The following CYP2C19 variants were observed in gnomAD, a reference collection of about 807,000 sequenced individuals.
CYP2C19 encodes cytochrome P450 2C19.
A neutral mutation model predicts 40.9 loss-of-function variants in CYP2C19; 59 were observed. The observed-to-expected ratio is 1.44, with a 90% CI of 1.17 to 1.79. CYP2C19 has a LOEUF of 1.79. Ranked by LOEUF, CYP2C19 falls within the 40% of genes most tolerant of loss-of-function variation. CYP2C19 has a pLI of 0.00. For synonymous variants in CYP2C19, 253 were observed against 208.7 expected, an observed-to-expected ratio of 1.21 and a Z score of -1.83; for missense variants, 754 against 596.9, an observed-to-expected ratio of 1.26 and a Z score of -2.74.
At chr10:94,823,472 G>A (rs764831530) in intron 6 of CYP2C19, among the ~76,000 whole-genome samples, 118 of 152,230 alleles carry the variant, frequency 7.8e-4, no homozygotes, top group Non-Finnish European at 1.6e-3. Flanking sequence ...AGCAGCTAGC[G>A]TTATCCTACA....
intron 7 of CYP2C19, 82 bp downstream of exon 7, chr10:94,843,106 C>T (rs1849521306): frequency 1.3e-6 from 2 of 1,536,288 alleles, no homozygotes; most frequent in South Asian, 2.2e-5. Flanking sequence ...TCTACCATCA[C>T]TGGGTGAGAG....
chr10:94,824,592 T>A (rs988221943), intron 6 of CYP2C19, among the ~76,000 whole-genome samples: 1 of 152,176 alleles, frequency 6.6e-6, no homozygotes, highest in Non-Finnish European at 1.5e-5. Context: ...TAAAATTAAT[T>A]CCTGTTTTTT....
intron 5 of CYP2C19, among the ~76,000 whole-genome samples, chr10:94,784,634 G>T (rs903331019): frequency 2.6e-5 from 4 of 151,634 alleles, no homozygotes; most frequent in African/African-American, 9.7e-5. Flanking sequence ...TATTTATTTT[G>T]AGACAGAGTC....
At chr10:94,833,344 A>G (rs1011237079) in intron 6 of CYP2C19, among the ~76,000 whole-genome samples, 2 of 152,216 alleles carry the variant, frequency 1.3e-5, no homozygotes, top group African/African-American at 4.8e-5. Flanking sequence ...TCATGATCTT[A>G]CAGAAAATGC....
chr10:94,825,770 C>T (rs1458932990), intron 6 of CYP2C19, among the ~76,000 whole-genome samples: 1 of 112,394 alleles, frequency 8.9e-6, no homozygotes, highest in South Asian at 3.5e-4. Flanking sequence ...AGGTTTTCTT[C>T]TAGGGTTTTT....
At chr10:94,786,518 T>A (rs1388290576) in intron 5 of CYP2C19, among the ~76,000 whole-genome samples, 1 of 152,144 alleles carries the variant, frequency 6.6e-6, no homozygotes, top group Non-Finnish European at 1.5e-5. Context: ...CCATATGAAA[T>A]ACTTTCTTTT....
rs139232443 is a variant in CYP2C19 at position 94,766,419 on chromosome 10, A to G, written c.168+3546A>G. Among the ~76,000 whole-genome samples, 688 of 152,198 alleles carry G rather than the reference A, an allele frequency of 4.5e-3. 6 individuals are homozygous for G. The highest frequency in any genetic ancestry group is 0.015 in the African/African-American group (639 of 41,542). On this transcript the variant is annotated intron_variant, in intron 1 of 8. Coordinates refer to ENST00000371321, the MANE Select transcript of CYP2C19 (RefSeq NM_000769.4). ...CAGGCCGAGTAAAAGGTAGGAGTAA[A>G]TTGCTGTCAGAAGGAAGGAAGACAG...
chr10:94,790,018 G>A (rs145950182), intron 5 of CYP2C19, among the ~76,000 whole-genome samples: 2,658 of 151,922 alleles, frequency 0.017, 71 homozygotes, highest in East Asian at 0.061. Context: ...CTTTTATTTC[G>A]TTGAGCAGTG....
At chr10:94,808,960 T>A (rs142807908) in intron 5 of CYP2C19, among the ~76,000 whole-genome samples, 116 of 152,280 alleles carry the variant, frequency 7.6e-4, no homozygotes, top group South Asian at 1.0e-3. Flanking sequence ...AGCAGTGGGA[T>A]TGCTGGGTCA....
rs1227122034 is a variant in CYP2C19, at chr10:94,818,411, C to T, written c.820-2085C>T. Among the ~76,000 whole-genome samples the T allele has an allele frequency of 2.3e-3, 346 of 151,916 alleles. 1 individual carries two copies. The highest frequency in any genetic ancestry group is 7.7e-3 in the African/African-American group (318 of 41,242). On this transcript the variant is annotated intron_variant, in intron 5 of 8. Coordinates refer to ENST00000371321, the MANE Select transcript of CYP2C19 (RefSeq NM_000769.4). ...TCCATATGAACTTTAAAGTAGTTTT[C>T]TCCAATTCTGTGAAGAAAGTCATTG...
At chr10:94,796,534 A>T (rs1460090745) in intron 5 of CYP2C19, among the ~76,000 whole-genome samples, 1 of 152,112 alleles carries the variant, frequency 6.6e-6, no homozygotes, top group Non-Finnish European at 1.5e-5. Flanking sequence ...CTGTGAAGAA[A>T]GTCATTGGTA....
At chr10:94,790,684 C>T (rs901592059) in intron 5 of CYP2C19, among the ~76,000 whole-genome samples, 5 of 151,646 alleles carry the variant, frequency 3.3e-5, no homozygotes, top group Admixed American at 1.3e-4. Flanking sequence ...CTTGCATCCC[C>T]GGGATGAAGC....
At position 94,788,181 on chromosome 10, in the gene CYP2C19, C is replaced by T. The variant is rs117895413; in HGVS notation, c.819+6184C>T. Among the ~76,000 whole-genome samples, 258 of 151,314 alleles carry T rather than the reference C, an allele frequency of 1.7e-3. 1 individual carries two copies. The highest frequency in any genetic ancestry group is 3.4e-3 in the Middle Eastern group (1 of 294). On this transcript the variant is annotated intron_variant, in intron 5 of 8. Transcript: ENST00000371321. ...TTCTTGATTTGGCTTTCAGCATGAA[C>T]ATTTTTGATGTATACAAATGGTACT... is the stretch of plus-strand genomic sequence containing the variant.
chr10:94,808,734 A>G (rs746881650), intron 5 of CYP2C19, among the ~76,000 whole-genome samples: 4 of 152,112 alleles, frequency 2.6e-5, no homozygotes, highest in East Asian at 1.9e-4. Flanking sequence ...ATAATCTCCA[A>G]TTCTATCTGT....
intron 1 of CYP2C19, among the ~76,000 whole-genome samples, chr10:94,763,769 GC>G (rs943142006): frequency 2.0e-4 from 30 of 152,096 alleles, no homozygotes; most frequent in Admixed American, 1.5e-3. Context: ...TTATTAGTAT[GC>G]TTTTGTGTCT....
intron 6 of CYP2C19, among the ~76,000 whole-genome samples, chr10:94,824,676 T>C (rs1231112844): frequency 6.6e-6 from 1 of 152,150 alleles, no homozygotes; most frequent in Non-Finnish European, 1.5e-5. Context: ...TTAATTATAC[T>C]TTAAGTTTTA....
intron 6 of CYP2C19, among the ~76,000 whole-genome samples, chr10:94,822,707 C>T (rs1371749836): frequency 2.0e-5 from 3 of 152,122 alleles, no homozygotes; most frequent in Non-Finnish European, 4.4e-5. Flanking sequence ...AAAGCATTTT[C>T]TTTTGTCTGC....
intron 5 of CYP2C19, among the ~76,000 whole-genome samples, chr10:94,816,676 C>A (rs959271635): frequency 6.6e-6 from 1 of 150,570 alleles, no homozygotes; most frequent in Non-Finnish European, 1.5e-5. Context: ...GCGCTGCACC[C>A]ACTAACTCGT....
chr10:94,847,470 T>C (rs1849589744), intron 7 of CYP2C19, among the ~76,000 whole-genome samples: 1 of 152,192 alleles, frequency 6.6e-6, no homozygotes, highest in Non-Finnish European at 1.5e-5. Context: ...CTTAATCCAG[T>C]CTATCATTGT....
Sources: allele counts gnomAD v4.1 joint callset (sites outside exome capture counted in the v4.1 genomes callset), GRCh38; gene constraint gnomAD v4.1.1; transcripts MANE v1.5; gene names NCBI Gene and HGNC (gene_info 2026-07-23, HGNC 2026-07-21).